The following TRAK1 variants were observed in gnomAD, a reference collection of about 807,000 sequenced individuals.
TRAK1 encodes trafficking kinesin protein 1.
Under a neutral mutation model 92.1 loss-of-function variants are expected in TRAK1, and 33 were observed. The ratio of observed to expected loss-of-function variants is 0.36; its 90% CI spans 0.27 to 0.48. The LOEUF is 0.48. TRAK1 is among the 20% of genes least tolerant of loss of function. The pLI is 0.99. For missense variants in TRAK1, 1,123 were observed against 1,257.9 expected (o/e 0.89, Z 1.62); for synonymous variants, 521 against 517.3 (o/e 1.01, Z -0.10).
intron 1 of TRAK1, among the ~76,000 whole-genome samples, chr3:42,021,853 G>A (rs1701733934): frequency 6.6e-6 from 1 of 152,150 alleles, no homozygotes; most frequent in Non-Finnish European, 1.5e-5. Context: ...GATTCTATAG[G>A]TGTGAGCCAC....
intron 1 of TRAK1, among the ~76,000 whole-genome samples, chr3:42,107,747 A>C (rs990637797): frequency 3.3e-5 from 5 of 152,062 alleles, no homozygotes; most frequent in Admixed American, 3.3e-4. Context: ...AAAGGTAACT[A>C]TCTGTATCAG....
At chr3:42,130,380 C>T (rs1697035820) in intron 2 of TRAK1, among the ~76,000 whole-genome samples, 1 of 111,138 alleles carries the variant, frequency 9.0e-6, no homozygotes, top group Non-Finnish European at 1.9e-5. Flanking sequence ...CCTGAGTTTA[C>T]CTGGAGCAGC....
At chr3:42,220,488 A>G (rs1710232915) in intron 15 of TRAK1, 3 of 985,246 alleles carry the variant, frequency 3.0e-6, no homozygotes, top group Admixed American at 1.2e-4. Context: ...ACTATGAATA[A>G]TTCTCCGCAG....
Position 42,202,598 on chromosome 3 carries a change from G to T in TRAK1, c.1590G>T (p.Lys530Asn). 6.3e-7 allele frequency: 1 copy of T among 1,592,810 alleles called. No individual in the cohort carries two copies. Among genetic ancestry groups the T allele is most frequent in the Non-Finnish European group, 8.6e-7 (1 of 1,163,808 alleles). ...QERKLQELAE[K>N]GELRSGSLTP... ...GGAAGCTCCAGGAGCTGGCGGAGAA[G>T]GGCGAGCTGCGCAGCGGCTCCCTCA... is the stretch of plus-strand genomic sequence containing the variant. Residue 530 changes from lysine (K) to asparagine (N), a missense_variant, in exon 13 of 16, where the codon AAG becomes AAT. This residue lies in a region of TRAK1 where 686 missense variants were observed against 747.6 expected (regional missense o/e 0.92). Coordinates refer to ENST00000327628, the MANE Select transcript of TRAK1 (RefSeq NM_001042646.3). This position sits in a 1 kb window ranked among gnomAD's most constrained non-coding sequence, Gnocchi z 6.1.
chr3:42,021,808 A>G (rs903257414), intron 1 of TRAK1, among the ~76,000 whole-genome samples: 1 of 152,092 alleles, frequency 6.6e-6, no homozygotes, highest in Non-Finnish European at 1.5e-5. Flanking sequence ...ACTCCTGGTC[A>G]GTTATCCACC....
intron 1 of TRAK1, among the ~76,000 whole-genome samples, chr3:42,029,156 A>G (rs988637047): frequency 6.6e-6 from 1 of 152,094 alleles, no homozygotes; most frequent in Non-Finnish European, 1.5e-5. Context: ...AACCATAAGA[A>G]ACCACCCCCA....
At position 42,213,054 on chromosome 3, in the gene TRAK1, ATTT is replaced by A. The variant is rs34073573; in HGVS notation, c.1963+3089_1963+3091del. 1.2e-3 allele frequency among the ~76,000 whole-genome samples: 132 copies of A among 113,064 alleles called. 1 individual carries two copies. Among genetic ancestry groups the A allele is most frequent in the Non-Finnish European group, 7.8e-4 (45 of 57,850 alleles). The allele number at this position is 113,064 out of a possible 152,430, so 74.2% of individuals were successfully genotyped here. A position where few individuals can be genotyped will look rare whatever the true frequency, so the allele number is the denominator to read the frequency against. ...GAACCATGTCCTAATTGGAGCTGAG[ATTT>A]TTTTTTTTTTTTTTTTTTTGAGACG... On this transcript the variant is annotated intron_variant, in intron 14 of 15. Coordinates refer to ENST00000327628, the MANE Select transcript of TRAK1 (RefSeq NM_001042646.3).
chr3:42,018,728 ATTAAAAGATGTCACCGTCTACT>A (rs1701619927), intron 1 of TRAK1, among the ~76,000 whole-genome samples: 1 of 152,210 alleles, frequency 6.6e-6, no homozygotes, highest in African/African-American at 2.4e-5. Flanking sequence ...GATTATGTTG[ATTAAAAGATGTCACCGTCTACT>A]AATTTATGTT....
At chr3:42,020,663 G>C (rs1222899341) in intron 1 of TRAK1, among the ~76,000 whole-genome samples, 3 of 152,142 alleles carry the variant, frequency 2.0e-5, no homozygotes, top group Non-Finnish European at 4.4e-5. Flanking sequence ...GGATCATTGG[G>C]TCATAAGACA....
chr3:42,121,232 G>A (rs1476047866), intron 1 of TRAK1, among the ~76,000 whole-genome samples: 1 of 151,976 alleles, frequency 6.6e-6, no homozygotes, highest in African/African-American at 2.4e-5. Flanking sequence ...TTGATGTTTG[G>A]CATGGTGAAA....
intron 8 of TRAK1, 38 bp downstream of exon 8, chr3:42,193,243 G>A (rs1388001615): frequency 6.2e-7 from 1 of 1,608,816 alleles, no homozygotes. Flanking sequence ...TACAACAATG[G>A]CCATGCTGAG....
At chr3:42,037,106 G>C (rs1702355548) in intron 1 of TRAK1, among the ~76,000 whole-genome samples, 2 of 152,164 alleles carry the variant, frequency 1.3e-5, no homozygotes, top group South Asian at 4.1e-4. Context: ...GGGATTACAG[G>C]TGTGAGCCAT....
chr3:42,173,384 C>G (rs1301690708), intron 2 of TRAK1, among the ~76,000 whole-genome samples: 1 of 152,158 alleles, frequency 6.6e-6, no homozygotes, highest in African/African-American at 2.4e-5. Context: ...TTTATGCTGT[C>G]TGAAGGCATG....
At chr3:42,033,497 A>G (rs577784008) in intron 1 of TRAK1, among the ~76,000 whole-genome samples, 117 of 152,304 alleles carry the variant, frequency 7.7e-4, no homozygotes, top group African/African-American at 2.8e-3. Flanking sequence ...CTGAGGCAGG[A>G]GGATCACTTG....
At chr3:42,093,380 G>T (rs1007019481) in intron 1 of TRAK1, among the ~76,000 whole-genome samples, 5 of 152,054 alleles carry the variant, frequency 3.3e-5, no homozygotes, top group Admixed American at 6.5e-5. Flanking sequence ...TAAATGATTT[G>T]GGGGCCACCA....
intron 2 of TRAK1, among the ~76,000 whole-genome samples, chr3:42,174,557 G>A (rs967741587): frequency 2.6e-5 from 4 of 151,312 alleles, no homozygotes; most frequent in Non-Finnish European, 4.4e-5. Context: ...CACGACTTCT[G>A]CCTCCCGGGT....
At chr3:42,182,575 CCTATTTACAG>C (rs1486791401) in intron 3 of TRAK1, among the ~76,000 whole-genome samples, 2 of 152,152 alleles carry the variant, frequency 1.3e-5, no homozygotes, top group Non-Finnish European at 2.9e-5. Flanking sequence ...CTGTGCCTGG[CCTATTTACAG>C]CTCATTTTTG....
At chr3:42,073,283 T>C (rs1704013699) in intron 1 of TRAK1, among the ~76,000 whole-genome samples, 1 of 152,224 alleles carries the variant, frequency 6.6e-6, no homozygotes. Flanking sequence ...CTGCTCCGAC[T>C]TTCTGACTAT....
At chr3:42,209,243 C>T (rs1328794882) in intron 13 of TRAK1, among the ~76,000 whole-genome samples, 1 of 152,188 alleles carries the variant, frequency 6.6e-6, no homozygotes, top group African/African-American at 2.4e-5. Context: ...TCTCTGTGTA[C>T]TGCTTTCATT....
Sources: gnomAD v4.1 joint callset for allele counts (sites outside exome capture counted in the v4.1 genomes callset) on GRCh38, gnomAD v4.1.1 for gene constraint, gnomAD v4.1.1 regional missense constraint, Gnocchi (gnomAD v3.1) non-coding constraint, MANE v1.5 for transcripts, NCBI Gene and HGNC (gene_info 2026-07-23, HGNC 2026-07-21) for gene names.